Variants in EXOC4 observed in about 807,000 individuals in gnomAD.
The protein encoded by EXOC4 is SEC8-like 1.
A neutral mutation model predicts 107.2 loss-of-function variants in EXOC4; 71 were observed. The observed-to-expected ratio is 0.66, with a 90% CI of 0.55 to 0.81. The LOEUF is 0.81. Among genes scored for constraint, EXOC4 ranks in the 30% least tolerant of loss-of-function variants. The pLI is 0.00. For synonymous variants in EXOC4, 456 were observed against 441.2 expected, an observed-to-expected ratio of 1.03 and a Z score of -0.42; for missense variants, 1,108 against 1,189.6, an observed-to-expected ratio of 0.93 and a Z score of 1.01.
intron 12 of EXOC4, among the ~76,000 whole-genome samples, chr7:133,907,135 A>G (rs2116583870): frequency 6.6e-6 from 1 of 152,300 alleles, no homozygotes; most frequent in South Asian, 2.1e-4. Context: ...TGTCTCTTGA[A>G]GCTATGTTAT....
chr7:133,583,119 G>A (rs1361047568), intron 9 of EXOC4, among the ~76,000 whole-genome samples: 1 of 152,078 alleles, frequency 6.6e-6, no homozygotes, highest in Non-Finnish European at 1.5e-5. Flanking sequence ...CTTTTAGAGT[G>A]TGTTTTTTTT....
intron 12 of EXOC4, among the ~76,000 whole-genome samples, chr7:133,907,761 C>T (rs2116587261): frequency 6.6e-6 from 1 of 151,460 alleles, no homozygotes; most frequent in African/African-American, 2.4e-5. Context: ...ATCGCTTGAA[C>T]CTGGGAGGCA....
the EXOC4 span, among the ~76,000 whole-genome samples, chr7:134,090,443 C>G: frequency 6.6e-6 from 1 of 152,312 alleles, no homozygotes; most frequent in East Asian, 1.9e-4. Context: ...CAGAAAAATG[C>G]ACAAAGCACA....
At chr7:133,988,593 A>G (rs924492661) in intron 14 of EXOC4, among the ~76,000 whole-genome samples, 1 of 152,134 alleles carries the variant, frequency 6.6e-6, no homozygotes, top group Non-Finnish European at 1.5e-5. Flanking sequence ...TCTAGAATTG[A>G]GAGGGGTAGG....
intron 10 of EXOC4, among the ~76,000 whole-genome samples, chr7:133,804,991 C>T (rs1335364809): frequency 2.6e-5 from 4 of 152,112 alleles, no homozygotes; most frequent in Admixed American, 2.6e-4. Flanking sequence ...GTAAAAATAA[C>T]TTAATATTAT....
intron 10 of EXOC4, among the ~76,000 whole-genome samples, chr7:133,671,515 C>G (rs1022465808): frequency 6.6e-6 from 1 of 151,990 alleles, no homozygotes; most frequent in African/African-American, 2.4e-5. Flanking sequence ...TGCAGTGAGC[C>G]AAGTTCACGC....
intron 9 of EXOC4, among the ~76,000 whole-genome samples, chr7:133,613,594 C>T (rs755884934): frequency 1.3e-5 from 2 of 150,400 alleles, no homozygotes; most frequent in Non-Finnish European, 3.0e-5. Flanking sequence ...AGGGGAAAGT[C>T]ATGACATTAC....
downstream of EXOC4, among the ~76,000 whole-genome samples, chr7:134,069,309 T>TCCTCC (rs142005162): frequency 1.5e-5 from 2 of 131,488 alleles, no homozygotes; most frequent in Non-Finnish European, 3.1e-5. Context: ...CTCCTCCTCC[T>TCCTCC]TTCTTCCTTC....
At chr7:133,678,930 G>C (rs1360198440) in intron 10 of EXOC4, among the ~76,000 whole-genome samples, 1 of 152,042 alleles carries the variant, frequency 6.6e-6, no homozygotes, top group Non-Finnish European at 1.5e-5. Flanking sequence ...AGCTTCCACT[G>C]TCTTTATGGC....
chr7:133,577,487 T>C (rs1383552060), intron 9 of EXOC4, among the ~76,000 whole-genome samples: 1 of 152,176 alleles, frequency 6.6e-6, no homozygotes, highest in African/African-American at 2.4e-5. Flanking sequence ...TCTAATGTGA[T>C]TTATAGCAGA....
chr7:133,554,148 T>A (rs1034569346), intron 9 of EXOC4, among the ~76,000 whole-genome samples: 2 of 152,146 alleles, frequency 1.3e-5, no homozygotes, highest in Non-Finnish European at 2.9e-5. Flanking sequence ...AGGTGGATCT[T>A]TAGGAAAATA....
At chr7:133,754,213 T>C (rs954590725) in intron 10 of EXOC4, among the ~76,000 whole-genome samples, 1 of 152,172 alleles carries the variant, frequency 6.6e-6, no homozygotes, top group African/African-American at 2.4e-5. Context: ...AAGGCCACGG[T>C]GATCCCCCAA....
rs140653799 is a variant in EXOC4, at chr7:133,306,037, G to C, written c.632G>C (p.Arg211Pro). Residue 211 changes from arginine (R) to proline (P), a missense_variant, in exon 4 of 18, where the codon CGT becomes CCT. Coordinates refer to ENST00000253861, the MANE Select transcript of EXOC4 (RefSeq NM_021807.4). ...AAATCGACTAGCCGAGTTGTGCAGC[G>C]TAACAAGGAAAAAGGGAAAATCAGG... ...YIKSTSRVVQ[R>P]NKEKGKISSL... 4.3e-6 allele frequency: 7 copies of C among 1,611,686 alleles called. No individual in the cohort carries two copies. The highest frequency in any genetic ancestry group is 5.1e-6 in the Non-Finnish European group (6 of 1,179,020).
At chr7:133,724,670 G>C (rs1795179420) in intron 10 of EXOC4, among the ~76,000 whole-genome samples, 1 of 152,188 alleles carries the variant, frequency 6.6e-6, no homozygotes, top group African/African-American at 2.4e-5. Context: ...CACCATGAAG[G>C]TAAAGTGGAC....
At chr7:133,306,601 G>A (rs1168664948) in intron 4 of EXOC4, among the ~76,000 whole-genome samples, 1 of 152,076 alleles carries the variant, frequency 6.6e-6, no homozygotes, top group Non-Finnish European at 1.5e-5. Context: ...TCCAGAGGCT[G>A]AGATGACAGG....
intron 9 of EXOC4, among the ~76,000 whole-genome samples, chr7:133,551,366 T>A (rs1800585366): frequency 6.6e-6 from 1 of 152,156 alleles, no homozygotes; most frequent in Non-Finnish European, 1.5e-5. Context: ...TCATTTGATT[T>A]TTTTTTTAAT....
intron 6 of EXOC4, among the ~76,000 whole-genome samples, chr7:133,361,642 C>A (rs529411810): frequency 6.6e-6 from 1 of 152,234 alleles, no homozygotes; most frequent in African/African-American, 2.4e-5. Context: ...TATCCCCTTG[C>A]CAACAGATTG....
intron 7 of EXOC4, among the ~76,000 whole-genome samples, chr7:133,461,936 G>T (rs1308237250): frequency 6.6e-6 from 1 of 152,158 alleles, no homozygotes; most frequent in African/African-American, 2.4e-5. Context: ...TGCTGTATGG[G>T]TTTTAATTAG....
chr7:133,824,390 C>T (rs1414613932), intron 11 of EXOC4, among the ~76,000 whole-genome samples: 1 of 152,086 alleles, frequency 6.6e-6, no homozygotes, highest in Non-Finnish European at 1.5e-5. Context: ...TGTTTACGCA[C>T]CTTCTGTTCT....
Sources: gnomAD v4.1 joint callset for allele counts (sites outside exome capture counted in the v4.1 genomes callset) on GRCh38, gnomAD v4.1.1 for gene constraint, MANE v1.5 for transcripts, NCBI Gene and HGNC (gene_info 2026-07-23, HGNC 2026-07-21) for gene names.